Variants in TENM3 observed in about 807,000 individuals in gnomAD.
TENM3 encodes teneurin transmembrane protein 3.
A neutral mutation model predicts 255.1 loss-of-function variants in TENM3; 63 were observed. The observed-to-expected ratio is 0.25, with a 90% CI of 0.20 to 0.30. The LOEUF is 0.30. TENM3 is among the 10% of genes least tolerant of loss of function. The probability of loss-of-function intolerance (pLI) is 1.00; values close to 1 mark genes in which losing one functional copy is unlikely to be tolerated. For synonymous variants in TENM3, 1,306 were observed against 1,322.3 expected (o/e 0.99, Z 0.27); for missense variants, 2,929 against 3,461.1 (o/e 0.85, Z 3.86).
the TENM3 span, among the ~76,000 whole-genome samples, chr4:181,985,369 T>A: frequency 1.3e-5 from 2 of 151,986 alleles, no homozygotes; most frequent in African/African-American, 4.8e-5. Flanking sequence ...ATATTTTTTA[T>A]CTGCAAGAAG....
chr4:182,578,880 G>A (rs1343145993), intron 3 of TENM3, among the ~76,000 whole-genome samples: 1 of 152,178 alleles, frequency 6.6e-6, no homozygotes, highest in Non-Finnish European at 1.5e-5. Flanking sequence ...CTTTGACTTT[G>A]CTAACTGTGC....
the TENM3 span, among the ~76,000 whole-genome samples, chr4:181,751,577 C>T: frequency 6.6e-6 from 1 of 151,798 alleles, no homozygotes; most frequent in South Asian, 2.1e-4. Context: ...GTCCAGAGTG[C>T]TAACCATCCC....
In TENM3 at chr4:182,586,243, C is replaced by A. The variant is rs76792678; in HGVS notation, c.512-14681C>A. Among the ~76,000 whole-genome samples the A allele has an allele frequency of 5.7e-3, 870 of 152,280 alleles. 7 individuals carry two copies. Among genetic ancestry groups the A allele is most frequent in the Non-Finnish European group, 5.7e-3 (391 of 68,012 alleles). ...CTGTACTCCAGCCTGGGCAACACAG[C>A]AAGACCCTCTCTCTTAGAGGCACAA... On this transcript the variant is annotated intron_variant, in intron 3 of 27. Transcript: ENST00000511685.
chr4:181,668,444 G>A, the TENM3 span, among the ~76,000 whole-genome samples: 1 of 152,214 alleles, frequency 6.6e-6, no homozygotes, highest in Non-Finnish European at 1.5e-5. Context: ...AGAAGTCTGA[G>A]GTCAAGGTGC....
chr4:181,841,628 G>A, the TENM3 span, among the ~76,000 whole-genome samples: 6 of 151,822 alleles, frequency 4.0e-5, no homozygotes, highest in African/African-American at 1.5e-4. Flanking sequence ...ATATTTTTGG[G>A]TGTTTAAATA....
the TENM3 span, among the ~76,000 whole-genome samples, chr4:181,474,617 C>T: frequency 6.6e-6 from 1 of 151,830 alleles, no homozygotes; most frequent in East Asian, 1.9e-4. Flanking sequence ...CGCCTGTAAT[C>T]CTTGCTACTT....
chr4:181,966,357 G>A, the TENM3 span, among the ~76,000 whole-genome samples: 1 of 152,104 alleles, frequency 6.6e-6, no homozygotes, highest in African/African-American at 2.4e-5. Context: ...GGAGCCATAT[G>A]GTGGAGTATT....
At chr4:182,785,404 A>G (rs528495304) in intron 24 of TENM3, among the ~76,000 whole-genome samples, 59 of 151,932 alleles carry the variant, frequency 3.9e-4, no homozygotes, top group African/African-American at 1.3e-3. Flanking sequence ...AATTAAAAAT[A>G]TTTATTAAAA....
In TENM3 at chr4:182,315,640, A is replaced by C. The variant is rs545844990; in HGVS notation, c.-75-8306A>C. On this transcript the variant is annotated intron_variant, in intron 1 of 27. Coordinates refer to ENST00000511685, the MANE Select transcript of TENM3 (RefSeq NM_001080477.4). ...ATCTGTAAGTTTATAATATTCATCA[A>C]TTTTGAAACATCTTCAGTTATTATT... Among the ~76,000 whole-genome samples, 24 of 152,180 alleles carry C rather than the reference A, an allele frequency of 1.6e-4. No individual in the cohort carries two copies. In the Middle Eastern group the frequency reaches 0.017, roughly 108 times the overall value.
intron 1 of TENM3, among the ~76,000 whole-genome samples, chr4:182,156,742 G>A (rs57416139): frequency 0.11 from 15,975 of 151,542 alleles, 1,058 homozygotes; most frequent in South Asian, 0.21. Context: ...GCTCTGATTT[G>A]AATGTATATC....
intron 12 of TENM3, among the ~76,000 whole-genome samples, chr4:182,692,945 T>A (rs1484185465): frequency 6.6e-6 from 1 of 152,174 alleles, no homozygotes; most frequent in Non-Finnish European, 1.5e-5. Flanking sequence ...CTCTTGCAGT[T>A]CTAGGATTTT....
At chr4:181,474,660 G>T in the TENM3 span, among the ~76,000 whole-genome samples, 1 of 151,678 alleles carries the variant, frequency 6.6e-6, no homozygotes, top group Non-Finnish European at 1.5e-5. Context: ...GCTTGAACCT[G>T]GGAGGCGGAG....
chr4:182,456,282 G>T (rs1773871259), intron 3 of TENM3, among the ~76,000 whole-genome samples: 1 of 152,104 alleles, frequency 6.6e-6, no homozygotes, highest in African/African-American at 2.4e-5. Context: ...AAACAACACA[G>T]GTTATTTTGT....
At chr4:181,660,921 T>C in the TENM3 span, among the ~76,000 whole-genome samples, 3 of 152,344 alleles carry the variant, frequency 2.0e-5, no homozygotes, top group Admixed American at 6.5e-5. Flanking sequence ...TATCTTACTT[T>C]GTGTTAAAAC....
At chr4:181,930,638 A>T in the TENM3 span, among the ~76,000 whole-genome samples, 1 of 152,312 alleles carries the variant, frequency 6.6e-6, no homozygotes, top group Admixed American at 6.5e-5. Context: ...AACAACAGAA[A>T]AAAAGAGACT....
At chr4:182,239,975 AAAC>A (rs1289535279), upstream of TENM3, among the ~76,000 whole-genome samples, 1 of 152,164 alleles carries the variant, frequency 6.6e-6, no homozygotes, top group African/African-American at 2.4e-5. Flanking sequence ...AAATTTCACA[AAAC>A]AACATTAATT....
chr4:182,561,770 A>T (rs1743206147), intron 3 of TENM3, among the ~76,000 whole-genome samples: 1 of 152,144 alleles, frequency 6.6e-6, no homozygotes, highest in African/African-American at 2.4e-5. Flanking sequence ...CTAAATGCCC[A>T]TCAAAAGGGA....
Position 182,793,986 on chromosome 4 carries a change from T to C in TENM3, c.7213+101T>C. Reference sequence around the variant, plus strand: ...TTTTTTAAAAAACTTTATACTTTACTCAGGCAAAGGCAAATGGCTAACCTT... The same window carrying C: ...TTTTTTAAAAAACTTTATACTTTACCCAGGCAAAGGCAAATGGCTAACCTT... On this transcript the variant is annotated intron_variant, in intron 26 of 27. Transcript: ENST00000511685. The surrounding 1 kb of genome is among the most constrained non-coding windows in gnomAD (Gnocchi z 5.7). 1.8e-6 allele frequency: 2 copies of C among 1,085,598 alleles called. No homozygotes were observed. The highest frequency in any genetic ancestry group is 3.5e-5 in the South Asian group (2 of 57,648). The allele number at this position is 1,085,598 out of a possible 1,614,324, so 67.2% of individuals were successfully genotyped here.
At chr4:182,788,318 T>C (rs913304093) in intron 24 of TENM3, among the ~76,000 whole-genome samples, 1 of 152,186 alleles carries the variant, frequency 6.6e-6, no homozygotes, top group Non-Finnish European at 1.5e-5. Context: ...ACCACATTTC[T>C]ATTGCAATAA....
Sources: allele counts gnomAD v4.1 joint callset (sites outside exome capture counted in the v4.1 genomes callset), GRCh38; gene constraint gnomAD v4.1.1; non-coding constraint Gnocchi (gnomAD v3.1); transcripts MANE v1.5; gene names NCBI Gene and HGNC (gene_info 2026-07-23, HGNC 2026-07-21).